ACOT12: variants seen among roughly 807,000 people sequenced by gnomAD.
ACOT12 encodes acyl-CoA thioesterase 12.
Under a neutral mutation model 67.7 loss-of-function variants are expected in ACOT12, and 51 were observed. The ratio of observed to expected loss-of-function variants is 0.75; its 90% confidence interval spans 0.60 to 0.95. The LOEUF is 0.95. ACOT12 is among the 40% of genes least tolerant of loss of function. The pLI, the probability that ACOT12 is intolerant of heterozygous loss-of-function variation, is 0.00. For missense variants in ACOT12, 734 were observed against 708.1 expected, an observed-to-expected ratio of 1.04 and a Z score of -0.41; for synonymous variants, 251 against 244.6, an observed-to-expected ratio of 1.03 and a Z score of -0.24.
At chr5:81,319,209 C>A in the ACOT12 span, among the ~76,000 whole-genome samples, 1 of 152,188 alleles carries the variant, frequency 6.6e-6, no homozygotes, top group Admixed American at 6.5e-5. Flanking sequence ...GTTTTTGTTA[C>A]CATTATGAAA....
At chr5:81,367,066 T>TTACA (rs1760102813) in intron 3 of ACOT12, among the ~76,000 whole-genome samples, 1 of 152,188 alleles carries the variant, frequency 6.6e-6, no homozygotes, top group Admixed American at 6.5e-5. Context: ...ATATCATAAT[T>TTACA]TACATAAGTC....
intron 2 of ACOT12, among the ~76,000 whole-genome samples, chr5:81,382,624 C>A (rs1408666738): frequency 6.6e-6 from 1 of 151,914 alleles, no homozygotes; most frequent in African/African-American, 2.4e-5. Context: ...TGATGAAACC[C>A]CATCTCTACT....
At chr5:81,374,604 G>C (rs1212224743) in intron 2 of ACOT12, among the ~76,000 whole-genome samples, 1 of 152,176 alleles carries the variant, frequency 6.6e-6, no homozygotes, top group East Asian at 1.9e-4. Context: ...AAAAAGGTTA[G>C]AGGAATTGCT....
Position 81,333,435 on chromosome 5 carries a change from T to G in ACOT12, c.1263-830A>C, listed in dbSNP as rs529757685. 2.0e-5 allele frequency among the ~76,000 whole-genome samples: 3 copies of G among 152,298 alleles called. No individual in the cohort carries two copies. In the South Asian group the frequency reaches 6.2e-4, roughly 32 times the overall value. On this transcript the variant is annotated intron_variant, in intron 12 of 14. Coordinates refer to ENST00000307624, the MANE Select transcript of ACOT12 (RefSeq NM_130767.3). ...ATTTGATTTTTTCATCTGTAAAATT[T>G]AGATAATGATACGTGGGGTTATTGC...
chr5:81,389,363 T>G (rs938946099), intron 1 of ACOT12, among the ~76,000 whole-genome samples: 1 of 152,170 alleles, frequency 6.6e-6, no homozygotes, highest in Non-Finnish European at 1.5e-5. Flanking sequence ...TTCAAGATAT[T>G]GTTGCACTGC....
intron 5 of ACOT12, among the ~76,000 whole-genome samples, chr5:81,350,700 G>T (rs1759526138): frequency 6.6e-6 from 1 of 152,160 alleles, no homozygotes; most frequent in African/African-American, 2.4e-5. Flanking sequence ...GCCCAGACAG[G>T]TCATGTGACT....
intron 10 of ACOT12, among the ~76,000 whole-genome samples, chr5:81,343,563 T>C (rs549909805): frequency 2.6e-4 from 39 of 152,374 alleles, no homozygotes; most frequent in South Asian, 2.1e-3. Flanking sequence ...TGTGCCATGC[T>C]TCTGGAACAT....
chr5:81,322,112 TA>T, the ACOT12 span, among the ~76,000 whole-genome samples: 1 of 152,102 alleles, frequency 6.6e-6, no homozygotes, highest in Non-Finnish European at 1.5e-5. Flanking sequence ...AAAGAGGCAA[TA>T]TTTTTTTAAA....
At chr5:81,319,715 C>CAA in the ACOT12 span, among the ~76,000 whole-genome samples, 5 of 117,150 alleles carry the variant, frequency 4.3e-5, no homozygotes, top group Admixed American at 9.1e-5. Context: ...GAAACTGTCT[C>CAA]AAAAAAAAAA....
chr5:81,332,533 A>G lies in ACOT12; in HGVS notation c.1335T>C (p.Asp445=). The G allele has an allele frequency of 1.2e-6, 2 of 1,614,120 alleles. No individual in the cohort carries two copies. Among genetic ancestry groups the G allele is most frequent in the Non-Finnish European group, 1.7e-6 (2 of 1,180,004 alleles). The part of the protein sequence containing the change: ...LYHITCPILN[D]DKPKDLVVLV... ...GTACTACCAAGTCTTTGGGTTTGTC[A>G]TCATTCAGTATAGGACAGGTGATGT... is the stretch of plus-strand genomic sequence containing the variant. Residue 445 remains aspartate, a synonymous_variant, in exon 13 of 15, where the codon GAT becomes GAC. Coordinates refer to ENST00000307624, the MANE Select transcript of ACOT12 (RefSeq NM_130767.3).
At position 81,362,777 on chromosome 5, in the gene ACOT12, T is replaced by C. The variant is rs540993890; in HGVS notation, c.360+1011A>G. On this transcript the variant is annotated intron_variant, in intron 4 of 14. Coordinates refer to ENST00000307624, the MANE Select transcript of ACOT12 (RefSeq NM_130767.3). ...AAGTACAGATTCCAAGATTCCACAC[T>C]AGTGATTCTAATTTAGTAGGTCCAT... is the stretch of plus-strand genomic sequence containing the variant. Among the ~76,000 whole-genome samples the C allele has an allele frequency of 3.9e-5, 6 of 152,342 alleles. No homozygotes were observed. The South Asian group carries it at 1.2e-3, about 32-fold the overall frequency.
At chr5:81,373,202 C>T (rs528781700) in intron 2 of ACOT12, among the ~76,000 whole-genome samples, 4 of 152,308 alleles carry the variant, frequency 2.6e-5, no homozygotes, top group Non-Finnish European at 4.4e-5. Flanking sequence ...ACAGTGGGTG[C>T]AGCCCATGGA....
the ACOT12 span, among the ~76,000 whole-genome samples, chr5:81,311,664 C>T: frequency 2.0e-5 from 3 of 152,054 alleles, no homozygotes; most frequent in Admixed American, 2.0e-4. Flanking sequence ...CTTATGTATG[C>T]TTTGCTTTGT....
the ACOT12 span, among the ~76,000 whole-genome samples, chr5:81,317,879 G>A: frequency 1.3e-5 from 2 of 148,952 alleles, no homozygotes; most frequent in African/African-American, 2.5e-5. Flanking sequence ...CTTATACTTA[G>A]GTTCACAATT....
At chr5:81,335,934 G>T (rs1402707607) in intron 11 of ACOT12, 33 bp from the exon 12 acceptor site, 1 of 1,583,790 alleles carries the variant, frequency 6.3e-7, no homozygotes, top group Non-Finnish European at 8.6e-7. Context: ...AATTACGAAA[G>T]AAAACTGATG....
Position 81,330,804 on chromosome 5 carries a change from T to A in ACOT12, c.1518+10A>T. On this transcript the variant is annotated intron_variant, in intron 14 of 14. Coordinates refer to ENST00000307624, the MANE Select transcript of ACOT12 (RefSeq NM_130767.3). ...AGCCAATTAATCTGCAGATGTTTCATCAAACTTACGATGCATGAATTGCTG... is the reference window on the plus strand; with the variant it reads ...AGCCAATTAATCTGCAGATGTTTCAACAAACTTACGATGCATGAATTGCTG... The A allele has an allele frequency of 1.9e-6, 3 of 1,610,350 alleles. No homozygotes were observed. The highest frequency in any genetic ancestry group is 2.5e-6 in the Non-Finnish European group (3 of 1,179,110).
At chr5:81,340,042 C>CTTTT (rs1257423189) in intron 11 of ACOT12, among the ~76,000 whole-genome samples, 1 of 143,046 alleles carries the variant, frequency 7.0e-6, no homozygotes, top group African/African-American at 2.6e-5. Context: ...AAGTATGATT[C>CTTTT]TTTTTTTTTT....
intron 5 of ACOT12, among the ~76,000 whole-genome samples, chr5:81,357,547 G>A (rs1054924724): frequency 3.9e-5 from 6 of 151,906 alleles, no homozygotes; most frequent in African/African-American, 1.2e-4. Flanking sequence ...AGCACCTCAC[G>A]CATCACAGGG....
At chr5:81,385,561 A>C (rs534220980) in intron 2 of ACOT12, among the ~76,000 whole-genome samples, 196 bp downstream of exon 2, 1 of 152,198 alleles carries the variant, frequency 6.6e-6, no homozygotes, top group Non-Finnish European at 1.5e-5. Flanking sequence ...GAGACTGTGA[A>C]GTTACACTTA....
Sources: gnomAD v4.1 joint callset for allele counts (sites outside exome capture counted in the v4.1 genomes callset) on GRCh38, gnomAD v4.1.1 for gene constraint, MANE v1.5 for transcripts, NCBI Gene and HGNC (gene_info 2026-07-23, HGNC 2026-07-21) for gene names.